Variants in ADAMTS3 observed in about 807,000 individuals in gnomAD.
The protein encoded by ADAMTS3 is ADAM metallopeptidase with thrombospondin type 1 motif 3.
ADAMTS3 carries 73 observed loss-of-function variants against 129.0 expected under a neutral mutation model. The ratio of observed to expected loss-of-function variants is 0.57; its 90% CI spans 0.47 to 0.69. The LOEUF (loss-of-function observed/expected upper bound fraction) is 0.69, where lower values mean the gene tolerates loss of function less well. Ranked by LOEUF, ADAMTS3 falls within the 30% of genes least tolerant of loss-of-function variation. The pLI, the probability that ADAMTS3 is intolerant of heterozygous loss-of-function variation, is 0.00. For missense variants in ADAMTS3, 1,457 were observed against 1,514.5 expected, an observed-to-expected ratio of 0.96 and a Z score of 0.63; for synonymous variants, 477 against 510.8, an observed-to-expected ratio of 0.93 and a Z score of 0.89.
intron 3 of ADAMTS3, among the ~76,000 whole-genome samples, chr4:72,509,256 GA>G (rs1269441050): frequency 8.7e-5 from 12 of 137,324 alleles, no homozygotes; most frequent in Admixed American, 2.9e-4. Flanking sequence ...ATTAGTAGAA[GA>G]AAAAAAAAAT....
chr4:72,353,903 T>C (rs1057176203), intron 4 of ADAMTS3, among the ~76,000 whole-genome samples: 1 of 151,954 alleles, frequency 6.6e-6, no homozygotes, highest in Non-Finnish European at 1.5e-5. Context: ...TCTTTACTGT[T>C]GTGGAGTTTG....
intron 2 of ADAMTS3, among the ~76,000 whole-genome samples, chr4:72,560,091 C>G (rs960654763): frequency 2.6e-5 from 4 of 151,528 alleles, no homozygotes; most frequent in African/African-American, 7.3e-5. Flanking sequence ...GAAGGATTCC[C>G]TATTTAATAA....
At chr4:72,411,597 C>T (rs1234581299) in intron 4 of ADAMTS3, among the ~76,000 whole-genome samples, 2 of 151,978 alleles carry the variant, frequency 1.3e-5, no homozygotes, top group South Asian at 2.1e-4. Context: ...ATCCCTACCA[C>T]AAGAAATGTT....
chr4:72,548,377 C>A (rs1005481951), intron 3 of ADAMTS3, 101 bp downstream of exon 3: 25 of 1,239,788 alleles, frequency 2.0e-5, no homozygotes, highest in Non-Finnish European at 2.6e-5. Context: ...TGTAACATAA[C>A]AATGAAGCCT....
chr4:72,288,756 C>T lies in ADAMTS3; in HGVS notation c.3044G>A (p.Cys1015Tyr), dbSNP rs1371937929. ...ESVRACQLPP[C>Y]NDEPCLGDKS... Reference sequence around the variant, plus strand: ...TCAATTGGTGTGACACCTACCATTACAAGGAGGCAGTTGACAGGCTCTGAC... The same window carrying T: ...TCAATTGGTGTGACACCTACCATTATAAGGAGGCAGTTGACAGGCTCTGAC... The change falls in exon 21 of 22, where the codon TGT becomes TAT. Residue 1015 changes from cysteine to tyrosine, a missense_variant. By Grantham distance (194) the Cys-to-Tyr change is radical (BLOSUM62 -2). Coordinates refer to ENST00000286657, the MANE Select transcript of ADAMTS3 (RefSeq NM_014243.3). The T allele has an allele frequency of 6.2e-7, 1 of 1,608,850 alleles. No individual in the cohort carries two copies. Among genetic ancestry groups the T allele is most frequent in the Non-Finnish European group, 8.5e-7 (1 of 1,175,244 alleles).
chr4:72,534,155 G>A (rs946975104), intron 3 of ADAMTS3, among the ~76,000 whole-genome samples: 16 of 152,016 alleles, frequency 1.1e-4, no homozygotes, highest in African/African-American at 3.1e-4. Flanking sequence ...GTGAAAACCC[G>A]TCTCTACTAA....
At chr4:72,329,327 G>C (rs1018414458) in intron 5 of ADAMTS3, among the ~76,000 whole-genome samples, 1 of 152,180 alleles carries the variant, frequency 6.6e-6, no homozygotes, top group Non-Finnish European at 1.5e-5. Flanking sequence ...GGGTAGTTAG[G>C]AAAGGGAGAA....
intron 4 of ADAMTS3, among the ~76,000 whole-genome samples, chr4:72,378,867 G>A (rs1721204461): frequency 6.6e-6 from 1 of 152,054 alleles, no homozygotes; most frequent in Admixed American, 6.6e-5. Flanking sequence ...GCTGAGAGGG[G>A]TTTTCTCCTA....
At chr4:72,286,712 G>T (rs1352484462) in intron 21 of ADAMTS3, among the ~76,000 whole-genome samples, 1 of 152,150 alleles carries the variant, frequency 6.6e-6, no homozygotes, top group Non-Finnish European at 1.5e-5. Flanking sequence ...GGCTTTAGCA[G>T]AACTGCATTT....
intron 3 of ADAMTS3, among the ~76,000 whole-genome samples, chr4:72,443,687 C>T (rs1428283909): frequency 2.2e-5 from 3 of 136,314 alleles, no homozygotes; most frequent in Non-Finnish European, 5.0e-5. Context: ...CAAAAACGTT[C>T]GAATGGAAAA....
chr4:72,440,662 G>A (rs575960109), intron 3 of ADAMTS3, among the ~76,000 whole-genome samples: 3 of 151,742 alleles, frequency 2.0e-5, no homozygotes, highest in Non-Finnish European at 4.4e-5. Flanking sequence ...ATTCTCACAT[G>A]ACTTTGAACA....
chr4:72,413,515 A>G (rs1722230540), intron 4 of ADAMTS3, among the ~76,000 whole-genome samples: 1 of 152,036 alleles, frequency 6.6e-6, no homozygotes. Flanking sequence ...TTCAACTTTA[A>G]CAAAACTCTT....
Position 72,426,812 on chromosome 4 carries a change from T to G in ADAMTS3, c.505-11841A>C, listed in dbSNP as rs554778983. 9.9e-5 allele frequency among the ~76,000 whole-genome samples: 15 copies of G among 152,046 alleles called. No homozygotes were observed. In the South Asian group the frequency reaches 2.7e-3, roughly 27 times the overall value. On this transcript the variant is annotated intron_variant, in intron 3 of 21. Coordinates refer to ENST00000286657, the MANE Select transcript of ADAMTS3 (RefSeq NM_014243.3). ...AGAGGCTGAGATGAGAGGACTTGCTTGAACCCTGGAGGTCAAGACTGCAGT... is the reference window on the plus strand; with the variant it reads ...AGAGGCTGAGATGAGAGGACTTGCTGGAACCCTGGAGGTCAAGACTGCAGT...
At chr4:72,285,151 A>G (rs1263014059) in intron 21 of ADAMTS3, among the ~76,000 whole-genome samples, 1 of 151,788 alleles carries the variant, frequency 6.6e-6, no homozygotes, top group Non-Finnish European at 1.5e-5. Context: ...AAAAAAAGAG[A>G]GAGTCAGCTG....
At chr4:72,479,428 A>G (rs1357101332) in intron 3 of ADAMTS3, among the ~76,000 whole-genome samples, 2 of 152,354 alleles carry the variant, frequency 1.3e-5, no homozygotes. Flanking sequence ...AACCTGACAA[A>G]AACAAGCAAT....
chr4:72,405,903 A>C (rs1001025558), intron 4 of ADAMTS3, among the ~76,000 whole-genome samples: 1 of 152,204 alleles, frequency 6.6e-6, no homozygotes, highest in African/African-American at 2.4e-5. Flanking sequence ...TATGCAAATC[A>C]TCAAGGAACT....
chr4:72,469,851 G>A lies in ADAMTS3; in HGVS notation c.505-54880C>T, dbSNP rs541867532. Among the ~76,000 whole-genome samples, 48 of 151,924 alleles carry A rather than the reference G, an allele frequency of 3.2e-4. No individual in the cohort carries two copies. In the South Asian group the frequency reaches 1.0e-2, roughly 32 times the overall value. On this transcript the variant is annotated intron_variant, in intron 3 of 21. Transcript: ENST00000286657. ...TTCTTAATAACACTTTTTTTCTCTG[G>A]CTTACGTTATTGTAAGAATACAGTA...
rs1272803506 is a variant in ADAMTS3 at position 72,530,477 on chromosome 4, T to TATATAAATATATAAAAATAC, written c.504+18000_504+18001insGTATTTTTATATATTTATAT. Among the ~76,000 whole-genome samples, 3 of 89,436 alleles carry TATATAAATATATAAAAATAC rather than the reference T, an allele frequency of 3.4e-5. No individual in the cohort carries two copies. The South Asian group carries it at 1.1e-3, about 33-fold the overall frequency. The allele number at this position is 89,436 out of a possible 152,430, so 58.7% of individuals were successfully genotyped here. ...TTATATATTAAATATATTAATTTAA[T>TATATAAATATATAAAAATAC]ATATAAATATATATTTATATACAAA... On this transcript the variant is annotated intron_variant, in intron 3 of 21. Transcript: ENST00000286657.
At chr4:72,489,556 G>C (rs1578728530) in intron 3 of ADAMTS3, among the ~76,000 whole-genome samples, 1 of 151,804 alleles carries the variant, frequency 6.6e-6, no homozygotes, top group African/African-American at 2.4e-5. Flanking sequence ...CAATAATCCA[G>C]GATCACCTGA....
Sources: allele counts gnomAD v4.1 joint callset (sites outside exome capture counted in the v4.1 genomes callset), GRCh38; gene constraint gnomAD v4.1.1; transcripts MANE v1.5; gene names NCBI Gene and HGNC (gene_info 2026-07-23, HGNC 2026-07-21).